FRAS1: variants seen among roughly 807,000 people sequenced by gnomAD.
FRAS1 encodes Fraser extracellular matrix complex subunit 1, also known as extracellular matrix organizing protein FRAS1.
A neutral mutation model predicts 435.2 loss-of-function variants in FRAS1; 290 were observed. The ratio of observed to expected loss-of-function variants is 0.67; its 90% CI spans 0.61 to 0.73. The LOEUF (loss-of-function observed/expected upper bound fraction) is 0.73, where lower values mean the gene tolerates loss of function less well. FRAS1 is among the 30% of genes least tolerant of loss of function. FRAS1 has a pLI of 0.00. For synonymous variants in FRAS1, 1,800 were observed against 1,851.0 expected (o/e 0.97, Z 0.71); for missense variants, 4,860 against 5,001.5 (o/e 0.97, Z 0.85).
At chr4:78,095,913 C>G (rs1741781214) in intron 2 of FRAS1, among the ~76,000 whole-genome samples, 4 of 152,172 alleles carry the variant, frequency 2.6e-5, no homozygotes, top group South Asian at 2.1e-4. Context: ...ATTTCAAAAC[C>G]AATCATGCTT....
In FRAS1 at chr4:78,374,165, A is replaced by C. The variant is rs201252328; in HGVS notation, c.3065A>C (p.Lys1022Thr). ...GGTCCCCATGAGTGTACCCGCTGCA[A>C]AGGGCCATTTCTCCTCTTGGAAGCC... ...CQGPHECTRC[K>T]GPFLLLEAQC... Residue 1022 changes from lysine to threonine, a missense_variant, in exon 25 of 74, where the codon AAA becomes ACA. Lys to Thr is a moderately conservative substitution (Grantham distance 78). Coordinates refer to ENST00000512123, the MANE Select transcript of FRAS1 (RefSeq NM_025074.7). 801 of 1,606,030 alleles carry C rather than the reference A, an allele frequency of 5.0e-4. 5 individuals are homozygous for C. Among genetic ancestry groups the C allele is most frequent in the South Asian group, 4.2e-3 (375 of 89,972 alleles).
At position 78,450,319 on chromosome 4, in the gene FRAS1, C is replaced by A. The variant is rs950179931; in HGVS notation, c.6443C>A (p.Thr2148Asn). The A allele has an allele frequency of 6.2e-7, 1 of 1,613,826 alleles. No homozygotes were observed. The highest frequency in any genetic ancestry group is 8.5e-7 in the Non-Finnish European group (1 of 1,179,790). ...ISIKGPIRSF[T>N]QADISQGHVE... ...ATTAAAGGCCCCATCCGAAGTTTCACCCAGGCAGACATTAGCCAAGGTCAG... is the reference window on the plus strand; with the variant it reads ...ATTAAAGGCCCCATCCGAAGTTTCAACCAGGCAGACATTAGCCAAGGTCAG... The change falls in exon 45 of 74, where the codon ACC becomes AAC. Residue 2148 changes from threonine (T) to asparagine (N), a missense_variant. Coordinates refer to ENST00000512123, the MANE Select transcript of FRAS1 (RefSeq NM_025074.7).
intron 2 of FRAS1, among the ~76,000 whole-genome samples, chr4:78,066,707 G>T (rs558309640): frequency 5.1e-4 from 77 of 152,106 alleles, no homozygotes; most frequent in Non-Finnish European, 8.8e-5. Context: ...TTTTATTTTG[G>T]TTTAATAAAT....
intron 20 of FRAS1, among the ~76,000 whole-genome samples, chr4:78,358,942 A>C (rs1730969027): frequency 6.6e-6 from 1 of 152,210 alleles, no homozygotes; most frequent in African/African-American, 2.4e-5. Flanking sequence ...ATTTAATCTA[A>C]TCTATGTAAA....
chr4:78,087,081 C>T (rs1408540691), intron 2 of FRAS1, among the ~76,000 whole-genome samples: 7 of 152,202 alleles, frequency 4.6e-5, no homozygotes, highest in African/African-American at 1.7e-4. Context: ...CCACCATGAT[C>T]AAGTGGGCTT....
intron 13 of FRAS1, among the ~76,000 whole-genome samples, chr4:78,285,875 T>C (rs1727565247): frequency 6.6e-6 from 1 of 152,218 alleles, no homozygotes; most frequent in African/African-American, 2.4e-5. Flanking sequence ...AGTTAGCTGC[T>C]TTTATTATTT....
At chr4:78,188,036 A>T (rs1722348469) in intron 2 of FRAS1, among the ~76,000 whole-genome samples, 1 of 152,174 alleles carries the variant, frequency 6.6e-6, no homozygotes, top group South Asian at 2.1e-4. Context: ...GTTTAAATTC[A>T]CCAAGTGTAG....
intron 20 of FRAS1, among the ~76,000 whole-genome samples, chr4:78,362,556 CA>C (rs1464347061): frequency 1.3e-5 from 2 of 152,192 alleles, no homozygotes; most frequent in Non-Finnish European, 2.9e-5. Context: ...TGGTGGCACC[CA>C]GGTGGTGTGT....
At chr4:78,091,466 G>T (rs1741516504) in intron 2 of FRAS1, among the ~76,000 whole-genome samples, 1 of 152,064 alleles carries the variant, frequency 6.6e-6, no homozygotes, top group African/African-American at 2.4e-5. Flanking sequence ...AACTTACTGT[G>T]CTGTAAAAGG....
chr4:78,188,979 T>A (rs566222195), intron 2 of FRAS1, among the ~76,000 whole-genome samples: 54 of 152,274 alleles, frequency 3.5e-4, no homozygotes, highest in African/African-American at 1.0e-3. Flanking sequence ...CCAGCTATTA[T>A]CTAATTAATT....
In FRAS1 at chr4:78,529,815, A is replaced by T. The variant is rs190668963; in HGVS notation, c.10925+3158A>T. 2.0e-5 allele frequency among the ~76,000 whole-genome samples: 3 copies of T among 152,326 alleles called. No homozygotes were observed. In the East Asian group the frequency reaches 5.8e-4, roughly 29 times the overall value. Reference sequence around the variant, plus strand: ...ATGGAGCAGAAAGGCACAAGATTTCATCATGCTAGTAAAAATGGTATATGA... The same window carrying T: ...ATGGAGCAGAAAGGCACAAGATTTCTTCATGCTAGTAAAAATGGTATATGA... On this transcript the variant is annotated intron_variant, in intron 70 of 73. Transcript: ENST00000512123.
Position 78,266,837 on chromosome 4 carries a change from G to T in FRAS1, c.691G>T (p.Gly231Cys). The change falls in exon 8 of 74, where the codon GGT (glycine) becomes TGT (cysteine). Residue 231 changes from glycine to cysteine, a missense_variant. Transcript: ENST00000512123. ...CTTCTTTCCTGTCTTCATGCAGCAT[G>T]GTGAGCAGTGGAGCGAAAATGCCTG... ...CSAAGQVYEH[G>C]EQWSENACTT... is the part of the protein sequence containing the mutation. The T allele has an allele frequency of 6.3e-7, 1 of 1,597,760 alleles. No homozygotes were observed. Among genetic ancestry groups the T allele is most frequent in the South Asian group, 1.1e-5 (1 of 88,012 alleles).
chr4:78,375,924 T>C (rs1345825744), intron 26 of FRAS1, 45 bp downstream of exon 26: 1 of 1,604,102 alleles, frequency 6.2e-7, no homozygotes, highest in Non-Finnish European at 8.5e-7. Flanking sequence ...ACCAATAATT[T>C]CTCTATGTGA....
Position 78,507,436 on chromosome 4 carries a change from T to C in FRAS1, c.9332T>C (p.Phe3111Ser), listed in dbSNP as rs1720877278. The part of the protein sequence containing the change: ...LKFSPGVDHI[F>S]FKVEILSNED... Reference sequence around the variant, plus strand: ...CTTGGCGAAGGTGTGGATCATATCTTTTTTAAAGTTGAGATCCTGTCCAAT... The same window carrying C: ...CTTGGCGAAGGTGTGGATCATATCTCTTTTAAAGTTGAGATCCTGTCCAAT... The change falls in exon 62 of 74, where the codon TTT becomes TCT. Residue 3111 changes from phenylalanine (F) to serine (S), a missense_variant. Phe to Ser is a radical substitution (Grantham distance 155). Transcript: ENST00000512123. The C allele has an allele frequency of 6.2e-7, 1 of 1,610,762 alleles. No homozygotes were observed. Among genetic ancestry groups the C allele is most frequent in the Admixed American group, 1.7e-5 (1 of 59,510 alleles).
intron 71 of FRAS1, 27 bp from the exon 72 acceptor site, chr4:78,536,968 C>A (rs1721904869): frequency 1.3e-6 from 2 of 1,587,648 alleles, no homozygotes; most frequent in Non-Finnish European, 1.7e-6. Flanking sequence ...AAAGTCTGAC[C>A]TAATTAATAC....
intron 2 of FRAS1, among the ~76,000 whole-genome samples, chr4:78,124,220 A>G (rs943467732): frequency 1.3e-5 from 2 of 152,166 alleles, no homozygotes; most frequent in Non-Finnish European, 2.9e-5. Context: ...TTCTGCATCT[A>G]TTGAGATAAT....
intron 20 of FRAS1, among the ~76,000 whole-genome samples, chr4:78,359,442 G>A (rs776349958): frequency 2.5e-4 from 38 of 152,278 alleles, no homozygotes; most frequent in Non-Finnish European, 5.3e-4. Context: ...AGACAAAAGT[G>A]TTCCCTAGGT....
At chr4:78,531,355 G>A (rs1721707634) in intron 70 of FRAS1, among the ~76,000 whole-genome samples, 1 of 152,074 alleles carries the variant, frequency 6.6e-6, no homozygotes, top group Admixed American at 6.5e-5. Flanking sequence ...TGCTTGCCCT[G>A]GCCAGAACTT....
In FRAS1 at chr4:78,363,539, G is replaced by A. The variant is rs573251309; in HGVS notation, c.2449G>A (p.Ala817Thr). ...CTGCCATCACCTGTGCCAGCACTGT[G>A]CAGCTGATCTCCACAACACTGGGAG... ...ADCHHLCQHC[A>T]ADLHNTGSIC... is the part of the protein sequence containing the mutation. Residue 817 changes from alanine (A) to threonine (T), a missense_variant, in exon 21 of 74, where the codon GCA (alanine) becomes ACA (threonine). By Grantham distance (58) the Ala-to-Thr change is moderately conservative (BLOSUM62 0). Transcript: ENST00000512123. The A allele has an allele frequency of 3.1e-6, 5 of 1,613,406 alleles. No homozygotes were observed. The East Asian group carries it at 1.1e-4, about 36-fold the overall frequency.
Sources: gnomAD v4.1 joint callset for allele counts (sites outside exome capture counted in the v4.1 genomes callset) on GRCh38, gnomAD v4.1.1 for gene constraint, MANE v1.5 for transcripts, NCBI Gene and HGNC (gene_info 2026-07-23, HGNC 2026-07-21) for gene names.